DPYD: variants seen among roughly 807,000 people sequenced by gnomAD.
DPYD encodes the protein dihydropyrimidine dehydrogenase [NADP(+)].
A neutral mutation model predicts 116.2 loss-of-function variants in DPYD; 109 were observed. The ratio of observed to expected loss-of-function variants is 0.94; its 90% CI spans 0.80 to 1.10. The LOEUF is 1.10. Ranked by LOEUF, DPYD falls within the 50% of genes least tolerant of loss-of-function variation. The pLI is 0.00. For missense variants in DPYD, 1,302 were observed against 1,254.5 expected, an observed-to-expected ratio of 1.04 and a Z score of -0.57; for synonymous variants, 440 against 432.0, an observed-to-expected ratio of 1.02 and a Z score of -0.23.
At chr1:97,634,474 A>T (rs1020939229) in intron 8 of DPYD, among the ~76,000 whole-genome samples, 2 of 152,076 alleles carry the variant, frequency 1.3e-5, no homozygotes, top group Non-Finnish European at 2.9e-5. Context: ...AAAACAACAG[A>T]TTTGAAGAAA....
chr1:97,914,827 A>G (rs1212103413), intron 1 of DPYD, among the ~76,000 whole-genome samples: 2 of 152,170 alleles, frequency 1.3e-5, no homozygotes, highest in East Asian at 3.9e-4. Context: ...ATGTTAATTC[A>G]GTAACTTTTT....
At chr1:97,335,081 C>T (rs946646450) in intron 16 of DPYD, among the ~76,000 whole-genome samples, 2 of 152,080 alleles carry the variant, frequency 1.3e-5, no homozygotes, top group Admixed American at 6.6e-5. Context: ...CTGTGTTTTT[C>T]ATCATGCTTT....
chr1:97,398,812 ATTTG>A, intron 14 of DPYD, among the ~76,000 whole-genome samples: 1 of 152,096 alleles, frequency 6.6e-6, no homozygotes, highest in Middle Eastern at 3.4e-3. Context: ...TTTCTTGTGA[ATTTG>A]TTTGAGTTCT....
intron 20 of DPYD, among the ~76,000 whole-genome samples, chr1:97,170,679 C>CTT (rs571244785): frequency 2.8e-5 from 4 of 143,480 alleles, no homozygotes; most frequent in African/African-American, 2.5e-5. Flanking sequence ...CTTTCCATTT[C>CTT]TTTTTTTTTT....
chr1:97,097,470 G>A (rs1408667061), intron 21 of DPYD, among the ~76,000 whole-genome samples: 1 of 152,156 alleles, frequency 6.6e-6, no homozygotes, highest in Non-Finnish European at 1.5e-5. Context: ...TGTAGGAGTA[G>A]AGTGTCATCA....
chr1:97,290,396 C>G (rs1406556630), intron 18 of DPYD, among the ~76,000 whole-genome samples: 16 of 152,024 alleles, frequency 1.1e-4, no homozygotes, highest in South Asian at 2.1e-4. Flanking sequence ...TAAGCCAAAA[C>G]AACAAAGCTG....
intron 20 of DPYD, 65 bp from the exon 21 acceptor site, chr1:97,098,697 A>G: frequency 1.3e-6 from 2 of 1,552,908 alleles, no homozygotes; most frequent in Non-Finnish European, 1.8e-6. Context: ...GGGAAGATAT[A>G]AACATATAAA....
chr1:97,517,274 T>C (rs997781975), intron 12 of DPYD, among the ~76,000 whole-genome samples: 8 of 152,040 alleles, frequency 5.3e-5, no homozygotes, highest in Non-Finnish European at 1.0e-4. Flanking sequence ...GGTGTGAACA[T>C]AATTTTTCTG....
intron 15 of DPYD, among the ~76,000 whole-genome samples, chr1:97,380,828 G>C (rs72728431): frequency 5.3e-5 from 8 of 151,944 alleles, no homozygotes; most frequent in Non-Finnish European, 1.2e-4. Flanking sequence ...TGTTTTAACC[G>C]GTTTTGAAGC....
At chr1:97,656,831 T>C (rs914639296) in intron 8 of DPYD, among the ~76,000 whole-genome samples, 2 of 151,674 alleles carry the variant, frequency 1.3e-5, no homozygotes, top group Non-Finnish European at 2.9e-5. Flanking sequence ...TTTTTTTTTT[T>C]CAAAAGACTG....
chr1:97,129,525 G>A (rs1426683727), intron 20 of DPYD, among the ~76,000 whole-genome samples: 3 of 151,998 alleles, frequency 2.0e-5, no homozygotes, highest in Non-Finnish European at 2.9e-5. Flanking sequence ...CTTTGCTGTT[G>A]CCCCTAGTTG....
intron 18 of DPYD, among the ~76,000 whole-genome samples, chr1:97,261,909 C>A (rs540184801): frequency 6.6e-6 from 1 of 152,054 alleles, no homozygotes; most frequent in South Asian, 2.1e-4. Context: ...AAACTATTTG[C>A]TGTTTCTTGA....
intron 19 of DPYD, among the ~76,000 whole-genome samples, chr1:97,202,511 T>C (rs894885387): frequency 6.6e-6 from 1 of 152,200 alleles, no homozygotes; most frequent in African/African-American, 2.4e-5. Flanking sequence ...TATATTATAC[T>C]GAGATCCAAA....
chr1:97,443,178 G>A (rs1030269295), intron 14 of DPYD, among the ~76,000 whole-genome samples: 8 of 152,014 alleles, frequency 5.3e-5, no homozygotes, highest in Non-Finnish European at 1.0e-4. Flanking sequence ...AAGTGGGCAT[G>A]GATGTTTTTA....
intron 11 of DPYD, among the ~76,000 whole-genome samples, chr1:97,557,406 C>G (rs1319099814): frequency 6.3e-5 from 9 of 142,794 alleles, no homozygotes; most frequent in Non-Finnish European, 1.5e-5. Context: ...CTACTAGGTT[C>G]AAGTGATCAA....
intron 7 of DPYD, among the ~76,000 whole-genome samples, chr1:97,684,008 A>T (rs1264741389): frequency 1.3e-5 from 2 of 152,256 alleles, no homozygotes; most frequent in East Asian, 3.9e-4. Context: ...TAAGTTTACA[A>T]CTCAAGATTT....
chr1:97,308,036 T>C (rs1441409657), intron 16 of DPYD, among the ~76,000 whole-genome samples: 1 of 151,880 alleles, frequency 6.6e-6, no homozygotes, highest in Non-Finnish European at 1.5e-5. Context: ...TGAAATATTA[T>C]TTGGTTCCAA....
intron 11 of DPYD, among the ~76,000 whole-genome samples, chr1:97,557,296 CCTTT>C (rs1651808404): frequency 6.7e-6 from 1 of 149,108 alleles, no homozygotes; most frequent in Admixed American, 6.7e-5. Flanking sequence ...TTTTCTATTC[CCTTT>C]TTCTTTTCTT....
intron 16 of DPYD, among the ~76,000 whole-genome samples, chr1:97,332,042 A>G (rs983728045): frequency 6.6e-5 from 10 of 152,152 alleles, no homozygotes; most frequent in Non-Finnish European, 1.0e-4. Flanking sequence ...TCCATCTGAG[A>G]TGCTATTAGT....
Sources: gnomAD v4.1 joint callset for allele counts (sites outside exome capture counted in the v4.1 genomes callset) on GRCh38, gnomAD v4.1.1 for gene constraint, MANE v1.5 for transcripts, NCBI Gene and HGNC (gene_info 2026-07-23, HGNC 2026-07-21) for gene names.